Variants in CDYL observed in about 807,000 individuals in gnomAD.
CDYL encodes chromodomain Y-like protein.
CDYL carries 8 observed loss-of-function variants against 47.3 expected under a neutral mutation model. The ratio of observed to expected loss-of-function variants is 0.17; its 90% CI spans 0.10 to 0.31. The LOEUF is 0.31. CDYL is among the 10% of genes least tolerant of loss of function. The pLI, the probability that CDYL is intolerant of heterozygous loss-of-function variation, is 1.00. For missense variants in CDYL, 471 were observed against 701.4 expected (o/e 0.67, Z 3.71); for synonymous variants, 266 against 265.0 (o/e 1.00, Z -0.04).
chr6:4,791,056 G>T (rs999878383), intron 1 of CDYL, among the ~76,000 whole-genome samples: 5 of 152,210 alleles, frequency 3.3e-5, no homozygotes, highest in Admixed American at 2.6e-4. Flanking sequence ...GTGTTTCTTA[G>T]AGAAACAGAA....
At chr6:4,862,744 T>A (rs1761208057) in intron 1 of CDYL, among the ~76,000 whole-genome samples, 1 of 152,222 alleles carries the variant, frequency 6.6e-6, no homozygotes, top group South Asian at 2.1e-4. Flanking sequence ...AAAGAGAAAC[T>A]CTATGGCAGT....
At chr6:4,826,242 G>A (rs1759978974) in intron 1 of CDYL, among the ~76,000 whole-genome samples, 1 of 152,010 alleles carries the variant, frequency 6.6e-6, no homozygotes, top group African/African-American at 2.4e-5. Context: ...AGTTATTTGT[G>A]TCTTTTCTTT....
At chr6:4,755,001 T>C (rs1561837467) in intron 3 of CDYL, among the ~76,000 whole-genome samples, 1 of 152,116 alleles carries the variant, frequency 6.6e-6, no homozygotes, top group Non-Finnish European at 1.5e-5. Flanking sequence ...TTTAGTTCTC[T>C]CTCTGATTAA....
chr6:4,760,475 T>C (rs552597104), intron 3 of CDYL, among the ~76,000 whole-genome samples: 106 of 152,248 alleles, frequency 7.0e-4, no homozygotes, highest in South Asian at 1.7e-3. Flanking sequence ...GGCTTTGTGC[T>C]GAATGCTAAA....
intron 3 of CDYL, among the ~76,000 whole-genome samples, chr6:4,937,220 A>T (rs1382769858): frequency 6.6e-6 from 1 of 152,156 alleles, no homozygotes; most frequent in Admixed American, 6.5e-5. Context: ...TGAGCCAGGC[A>T]TGATGGCACA....
intron 1 of CDYL, among the ~76,000 whole-genome samples, chr6:4,874,755 A>C (rs974059857): frequency 1.3e-5 from 2 of 152,156 alleles, no homozygotes; most frequent in African/African-American, 4.8e-5. Flanking sequence ...CACTGTTCTC[A>C]TGTCCCTTTC....
intron 1 of CDYL, among the ~76,000 whole-genome samples, chr6:4,789,813 G>A (rs992612753): frequency 6.6e-6 from 1 of 152,164 alleles, no homozygotes; most frequent in Non-Finnish European, 1.5e-5. Context: ...AGCACTCCAT[G>A]GAGTAATGGG....
intron 1 of CDYL, among the ~76,000 whole-genome samples, chr6:4,879,563 T>C (rs1435684344): frequency 6.8e-6 from 1 of 146,334 alleles, no homozygotes; most frequent in Non-Finnish European, 1.5e-5. Context: ...TTTTTTTTTT[T>C]TTTTTTTTTT....
intron 1 of CDYL, among the ~76,000 whole-genome samples, chr6:4,778,986 T>A (rs900701118): frequency 6.6e-6 from 1 of 152,328 alleles, no homozygotes; most frequent in South Asian, 2.1e-4. Context: ...CTATGAAGTT[T>A]ACATGAGAAC....
At chr6:4,721,194 G>GT (rs1479858864) in intron 2 of CDYL, among the ~76,000 whole-genome samples, 2 of 152,086 alleles carry the variant, frequency 1.3e-5, no homozygotes, top group East Asian at 1.9e-4. Context: ...GCCTAACAGC[G>GT]TTTTTTCAAC....
At chr6:4,706,653 G>T (rs532106969) in intron 1 of CDYL, among the ~76,000 whole-genome samples, 6 of 152,126 alleles carry the variant, frequency 3.9e-5, no homozygotes, top group Non-Finnish European at 8.8e-5. Flanking sequence ...GCCAGGTGTG[G>T]TGGTGCGCGC....
chr6:4,787,279 C>G (rs976827302), intron 1 of CDYL, among the ~76,000 whole-genome samples: 11 of 152,088 alleles, frequency 7.2e-5, no homozygotes, highest in African/African-American at 2.4e-4. Context: ...TAGACTGATT[C>G]GTTGTGCCCT....
At chr6:4,914,865 G>A (rs1394484047) in intron 2 of CDYL, among the ~76,000 whole-genome samples, 1 of 152,228 alleles carries the variant, frequency 6.6e-6, no homozygotes, top group South Asian at 2.1e-4. Flanking sequence ...TGGGAACAGG[G>A]TGAAGAGTAG....
chr6:4,759,936 GAAAAGAAAAGA>G (rs1758147949), intron 3 of CDYL, among the ~76,000 whole-genome samples: 1,985 of 54,870 alleles, frequency 0.036, 133 homozygotes, highest in African/African-American at 0.086. Context: ...GAAGAAGAAA[GAAAAGAAAAGA>G]AAGAAAGAAA....
intron 1 of CDYL, among the ~76,000 whole-genome samples, chr6:4,794,547 A>T (rs1759017267): frequency 6.6e-6 from 1 of 152,056 alleles, no homozygotes. Flanking sequence ...CAGAGGAATG[A>T]TGGTAGTTGT....
At chr6:4,859,166 C>G (rs1435394644) in intron 1 of CDYL, among the ~76,000 whole-genome samples, 6 of 152,126 alleles carry the variant, frequency 3.9e-5, no homozygotes, top group African/African-American at 1.2e-4. Context: ...CCTTCATGCT[C>G]TCTATTTTGT....
At chr6:4,828,536 C>G (rs545726498) in intron 1 of CDYL, among the ~76,000 whole-genome samples, 3 of 152,180 alleles carry the variant, frequency 2.0e-5, no homozygotes, top group South Asian at 2.1e-4. Flanking sequence ...CCTCCTGCTG[C>G]TTTTAGGATT....
intron 3 of CDYL, among the ~76,000 whole-genome samples, chr6:4,762,825 C>T (rs957233064): frequency 2.0e-5 from 3 of 151,888 alleles, no homozygotes; most frequent in South Asian, 2.1e-4. Context: ...CTGTAACATA[C>T]GTTCATTGGA....
intron 1 of CDYL, chr6:4,714,282 GAC>G (rs1181576009): frequency 6.6e-6 from 1 of 152,142 alleles, no homozygotes; most frequent in East Asian, 1.9e-4. Flanking sequence ...GTCAAGTTCT[GAC>G]AGAGTAAGGA....
Sources: allele counts gnomAD v4.1 joint callset (sites outside exome capture counted in the v4.1 genomes callset), GRCh38; gene constraint gnomAD v4.1.1; transcripts MANE v1.5; gene names NCBI Gene and HGNC (gene_info 2026-07-23, HGNC 2026-07-21).